The following BDKRB2 variants were observed in gnomAD, a reference collection of about 807,000 sequenced individuals.
BDKRB2 encodes B2 bradykinin receptor.
BDKRB2 carries 6 observed loss-of-function variants against 4.0 expected under a neutral mutation model. The observed-to-expected ratio is 1.49, with a 90% CI of 0.81 to 2.93. BDKRB2 has a LOEUF of 2.93. BDKRB2 is among the 30% of genes most tolerant of loss of function. The pLI is 0.00. For synonymous variants in BDKRB2, 225 were observed against 215.3 expected (o/e 1.05, Z -0.40); for missense variants, 478 against 520.1 (o/e 0.92, Z 0.79).
chr14:96,220,770 T>A (rs1238829236), intron 1 of BDKRB2, among the ~76,000 whole-genome samples: 1 of 151,992 alleles, frequency 6.6e-6, no homozygotes, highest in African/African-American at 2.4e-5. Flanking sequence ...CCTTTGACCA[T>A]GTCCAGGCAT....
intron 1 of BDKRB2, among the ~76,000 whole-genome samples, chr14:96,222,437 A>G (rs1048787459): frequency 2.0e-5 from 3 of 152,158 alleles, no homozygotes; most frequent in Non-Finnish European, 4.4e-5. Flanking sequence ...TGGCCTGGTC[A>G]TTCTGATGAC....
chr14:96,212,498 G>A (rs750354148), intron 1 of BDKRB2, among the ~76,000 whole-genome samples: 1 of 152,182 alleles, frequency 6.6e-6, no homozygotes, highest in Non-Finnish European at 1.5e-5. Context: ...AGTTAGAAAG[G>A]TAAAAAGCAT....
Position 96,240,942 on chromosome 14 carries a change from G to A in BDKRB2, c.614G>A (p.Gly205Asp). ...FRTMKEYSDE[G>D]HNVTACVISY... ...ACCATGAAGGAGTACAGCGATGAGGGCCACAACGTCACCGCTTGTGTCATC... is the reference window on the plus strand; with the variant it reads ...ACCATGAAGGAGTACAGCGATGAGGACCACAACGTCACCGCTTGTGTCATC... Residue 205 changes from glycine to aspartate, a missense_variant, in exon 3 of 3, where the codon GGC (glycine) becomes GAC (aspartate). Coordinates refer to ENST00000554311, the MANE Select transcript of BDKRB2 (RefSeq NM_001379692.1). 1 of 1,593,684 alleles carries A rather than the reference G, an allele frequency of 6.3e-7. No individual in the cohort carries two copies. Among genetic ancestry groups the A allele is most frequent in the Non-Finnish European group, 8.6e-7 (1 of 1,169,202 alleles).
chr14:96,212,229 T>A (rs1890319202), intron 1 of BDKRB2, among the ~76,000 whole-genome samples: 1 of 152,244 alleles, frequency 6.6e-6, no homozygotes, highest in African/African-American at 2.4e-5. Context: ...TTGAAAATTT[T>A]AGAAAACACT....
intron 1 of BDKRB2, among the ~76,000 whole-genome samples, chr14:96,213,035 G>T (rs573075739): frequency 6.6e-6 from 1 of 152,074 alleles, no homozygotes; most frequent in Non-Finnish European, 1.5e-5. Flanking sequence ...GCACCAACTG[G>T]CCCGATTGTT....
At chr14:96,227,943 C>T (rs1336265240) in intron 1 of BDKRB2, among the ~76,000 whole-genome samples, 1 of 152,196 alleles carries the variant, frequency 6.6e-6, no homozygotes, top group Admixed American at 6.5e-5. Flanking sequence ...TTCCAGCAGC[C>T]CCCGACTCCT....
intron 1 of BDKRB2, among the ~76,000 whole-genome samples, chr14:96,227,927 CTGACTTTCCAGCAGCCCCCGA>C (rs1890736905): frequency 6.6e-6 from 1 of 152,224 alleles, no homozygotes. Flanking sequence ...ACCTATGCTG[CTGACTTTCCAGCAGCCCCCGA>C]CTCCTGTGGC....
At chr14:96,223,270 G>A (rs916061308) in intron 1 of BDKRB2, 5 of 1,041,986 alleles carry the variant, frequency 4.8e-6, no homozygotes, top group Non-Finnish European at 7.6e-6. Flanking sequence ...TCAGGGATGG[G>A]TCCATAATAT....
At chr14:96,238,274 C>A in intron 2 of BDKRB2, 2 of 422,970 alleles carry the variant, frequency 4.7e-6, no homozygotes, top group Non-Finnish European at 6.3e-6. Context: ...CATGGCGGCT[C>A]ACATCCTTCC....
intron 1 of BDKRB2, among the ~76,000 whole-genome samples, chr14:96,227,362 A>G (rs895482826): frequency 6.6e-6 from 1 of 152,116 alleles, no homozygotes; most frequent in Non-Finnish European, 1.5e-5. Flanking sequence ...ACATGAAGAA[A>G]CTGAGGCCCT....
rs200814940 is a variant in BDKRB2 at position 96,240,441 on chromosome 14, T to C, written c.113T>C (p.Leu38Pro). ...MLNVTLQGPT[L>P]NGTFAQSKCP... ...AATGTCACCTTGCAAGGGCCCACTC[T>C]TAACGGGACCTTTGCCCAGAGCAAA... Residue 38 changes from leucine to proline, a missense_variant, in exon 3 of 3, where the codon CTT becomes CCT. By Grantham distance (98) the Leu-to-Pro change is moderately conservative. Coordinates refer to ENST00000554311, the MANE Select transcript of BDKRB2 (RefSeq NM_001379692.1). The C allele has an allele frequency of 8.0e-6, 12 of 1,494,238 alleles. No homozygotes were observed. The highest frequency in any genetic ancestry group is 1.1e-5 in the Non-Finnish European group (12 of 1,122,654). 92.6% of individuals were successfully genotyped at this position (1,494,238 alleles called of 1,614,324 possible).
At position 96,237,828 on chromosome 14, in the gene BDKRB2, C is replaced by T. The variant is rs114528025; in HGVS notation, c.74+647C>T. ...AGGCATCTTTCTGATGATCCGATGG[C>T]TTCTCAGAGCCAGGGATGGGCCAGG... On this transcript the variant is annotated intron_variant, in intron 2 of 2. Coordinates refer to ENST00000554311, the MANE Select transcript of BDKRB2 (RefSeq NM_001379692.1). 4,238 of 1,289,750 alleles carry T rather than the reference C, an allele frequency of 3.3e-3. 59 individuals carry two copies. The highest frequency in any genetic ancestry group is 0.033 in the African/African-American group (2,162 of 65,986). The allele number at this position is 1,289,750 out of a possible 1,614,324, so 79.9% of individuals were successfully genotyped here.
intron 1 of BDKRB2, among the ~76,000 whole-genome samples, chr14:96,235,695 A>T (rs1469354653): frequency 6.6e-6 from 1 of 152,074 alleles, no homozygotes; most frequent in African/African-American, 2.4e-5. Context: ...TCCCAACTGA[A>T]TTAGGGGAGC....
At chr14:96,220,680 G>A (rs1471194702) in intron 1 of BDKRB2, among the ~76,000 whole-genome samples, 5 of 146,750 alleles carry the variant, frequency 3.4e-5, no homozygotes, top group Non-Finnish European at 4.4e-5. Flanking sequence ...CCCAGACCTG[G>A]CTGAGGCCTC....
chr14:96,232,702 C>T (rs1020127379), intron 1 of BDKRB2, among the ~76,000 whole-genome samples: 36 of 152,124 alleles, frequency 2.4e-4, no homozygotes, highest in African/African-American at 7.5e-4. Context: ...CATAGAAAGG[C>T]GTTGAAGTGC....
intron 1 of BDKRB2, among the ~76,000 whole-genome samples, chr14:96,212,128 T>C (rs1036823369): frequency 1.7e-4 from 26 of 152,206 alleles, no homozygotes; most frequent in African/African-American, 6.3e-4. Flanking sequence ...GTATTCTTTT[T>C]CGCACTCTGA....
At chr14:96,236,345 G>A (rs1890933899) in intron 1 of BDKRB2, among the ~76,000 whole-genome samples, 1 of 152,054 alleles carries the variant, frequency 6.6e-6, no homozygotes, top group Admixed American at 6.6e-5. Context: ...CCACCTGCCT[G>A]GAATTCTCCA....
At chr14:96,237,328 C>T (rs1357899950) in intron 2 of BDKRB2, 147 bp downstream of exon 2, 1 of 752,912 alleles carries the variant, frequency 1.3e-6, no homozygotes, top group Non-Finnish European at 2.2e-6. Context: ...TCTCAGGTGT[C>T]CAAGTCCCTG....
chr14:96,242,975 G>C lies in BDKRB2; in HGVS notation c.*1471G>C, dbSNP rs550431469. On this transcript the variant is annotated 3_prime_UTR_variant, in exon 3 of 3. Transcript: ENST00000554311. ...TATTTATTAGCTGGTTGGAGAGCTA[G>C]AACCTGGAGAGCTAGAACCTGGAGA... 6.9e-6 allele frequency: 1 copy of C among 145,768 alleles called. No homozygotes were observed. Among genetic ancestry groups the C allele is most frequent in the African/African-American group, 2.5e-5 (1 of 40,616 alleles). The allele number at this position is 145,768 out of a possible 1,614,324, so 9.0% of individuals were successfully genotyped here. A position where few individuals can be genotyped will look rare whatever the true frequency, so the allele number is the denominator to read the frequency against.
Sources: gnomAD v4.1 joint callset for allele counts (sites outside exome capture counted in the v4.1 genomes callset) on GRCh38, gnomAD v4.1.1 for gene constraint, MANE v1.5 for transcripts, NCBI Gene and HGNC (gene_info 2026-07-23, HGNC 2026-07-21) for gene names.